The following CCDC192 variants were observed in gnomAD, a reference collection of about 807,000 sequenced individuals.
CCDC192 encodes the protein coiled-coil domain-containing protein 192.
intron 5 of CCDC192, among the ~76,000 whole-genome samples, chr5:127,838,260 G>GACATAACAA: frequency 6.6e-6 from 1 of 152,124 alleles, no homozygotes; most frequent in East Asian, 1.9e-4. Context: ...GTATTAATAA[G>GACATAACAA]GACATAACAA....
chr5:127,833,256 A>G (rs1334414269), intron 5 of CCDC192, among the ~76,000 whole-genome samples: 1 of 152,080 alleles, frequency 6.6e-6, no homozygotes, highest in Non-Finnish European at 1.5e-5. Context: ...TATCATTTTT[A>G]TTGTTTGAAT....
At chr5:127,933,505 C>T (rs1440365501) in intron 6 of CCDC192, among the ~76,000 whole-genome samples, 2 of 152,216 alleles carry the variant, frequency 1.3e-5, no homozygotes, top group Non-Finnish European at 2.9e-5. Context: ...AACTCCCACA[C>T]ACCTCTCACC....
chr5:127,737,456 C>A (rs1753088575), intron 2 of CCDC192, among the ~76,000 whole-genome samples: 1 of 151,700 alleles, frequency 6.6e-6, no homozygotes, highest in Non-Finnish European at 1.5e-5. Flanking sequence ...CCGCTTGGTG[C>A]AGAGCTGAGT....
chr5:127,715,604 T>C (rs58663781), intron 2 of CCDC192, among the ~76,000 whole-genome samples: 1,949 of 152,352 alleles, frequency 0.013, 30 homozygotes, highest in African/African-American at 0.045. Context: ...TATTGTTTTT[T>C]CTATTTCTGT....
chr5:127,914,891 T>C (rs1484398014), intron 6 of CCDC192, among the ~76,000 whole-genome samples: 1 of 152,194 alleles, frequency 6.6e-6, no homozygotes, highest in Non-Finnish European at 1.5e-5. Context: ...AACAATCAAT[T>C]GGAAGGGCCC....
At chr5:127,745,549 G>A (rs1753693190) in intron 2 of CCDC192, among the ~76,000 whole-genome samples, 1 of 151,978 alleles carries the variant, frequency 6.6e-6, no homozygotes. Context: ...TGATCATCTT[G>A]GCTACATTAG....
chr5:127,801,353 G>A (rs750863755), intron 5 of CCDC192, among the ~76,000 whole-genome samples: 1 of 152,096 alleles, frequency 6.6e-6, no homozygotes, highest in Non-Finnish European at 1.5e-5. Context: ...TCTGTTTGGA[G>A]TGTGCCTCCT....
intron 5 of CCDC192, among the ~76,000 whole-genome samples, chr5:127,831,515 T>TTG (rs202145979): frequency 6.6e-6 from 1 of 151,974 alleles, no homozygotes; most frequent in East Asian, 1.9e-4. Flanking sequence ...AATGCCTATA[T>TTG]TGTGTGTGTG....
intron 6 of CCDC192, among the ~76,000 whole-genome samples, chr5:127,916,331 T>A (rs1205960223): frequency 1.3e-5 from 2 of 152,210 alleles, no homozygotes; most frequent in East Asian, 1.9e-4. Flanking sequence ...TCAAAGACAT[T>A]CATGAGGGTT....
At chr5:127,919,168 G>A (rs1340232721) in intron 6 of CCDC192, among the ~76,000 whole-genome samples, 1 of 151,354 alleles carries the variant, frequency 6.6e-6, no homozygotes, top group Non-Finnish European at 1.5e-5. Context: ...GTAGCTCTCG[G>A]AAAATGATGC....
rs868051398 is a variant in CCDC192 at position 127,743,886 on chromosome 5, C to A, written c.115-10382C>A. Among the ~76,000 whole-genome samples the A allele has an allele frequency of 2.0e-5, 3 of 151,830 alleles. No homozygotes were observed. The East Asian group carries it at 5.8e-4, about 29-fold the overall frequency. Reference sequence around the variant, plus strand: ...CGGGTGGATCACGAGGTCGGGAGATCGAGACCATCCTGGCTTAACACGGTG... The same window carrying A: ...CGGGTGGATCACGAGGTCGGGAGATAGAGACCATCCTGGCTTAACACGGTG... On this transcript the variant is annotated intron_variant, in intron 2 of 6. Transcript: ENST00000514853.
intron 5 of CCDC192, among the ~76,000 whole-genome samples, chr5:127,866,825 T>TA (rs1275803255): frequency 1.3e-5 from 2 of 152,166 alleles, no homozygotes; most frequent in Non-Finnish European, 2.9e-5. Context: ...CTGCAGTTTT[T>TA]AAAAAAATAT....
chr5:127,937,003 C>T (rs1342211232), intron 6 of CCDC192, among the ~76,000 whole-genome samples: 2 of 152,196 alleles, frequency 1.3e-5, no homozygotes, highest in Non-Finnish European at 2.9e-5. Context: ...GCCTTGGGCA[C>T]TTTCCAATAC....
rs143804908 is a variant in CCDC192, at chr5:127,754,226, A to G, written c.115-42A>G. ...AGATTGTTTGAGATGCACTCAAACTATCCATGTCAAAAAGTAATACTTGAT... is the reference window on the plus strand; with the variant it reads ...AGATTGTTTGAGATGCACTCAAACTGTCCATGTCAAAAAGTAATACTTGAT... On this transcript the variant is annotated intron_variant, in intron 2 of 6. Transcript: ENST00000514853. The G allele has an allele frequency of 8.7e-4, 347 of 397,600 alleles. 1 individual carries two copies. The highest frequency in any genetic ancestry group is 6.0e-3 in the African/African-American group (292 of 48,590). The allele number at this position is 397,600 out of a possible 1,614,324, so 24.6% of individuals were successfully genotyped here.
intron 5 of CCDC192, among the ~76,000 whole-genome samples, chr5:127,820,848 A>C (rs748421861): frequency 6.6e-6 from 1 of 152,190 alleles, no homozygotes; most frequent in Non-Finnish European, 1.5e-5. Flanking sequence ...AAATGATATA[A>C]TCGTAAACTA....
chr5:127,916,850 T>C (rs1331019695), intron 6 of CCDC192, among the ~76,000 whole-genome samples: 1 of 152,224 alleles, frequency 6.6e-6, no homozygotes, highest in African/African-American at 2.4e-5. Context: ...GAATGGTAAA[T>C]GCACATTGTC....
chr5:127,851,096 G>C (rs1750776458), intron 5 of CCDC192, among the ~76,000 whole-genome samples: 1 of 152,174 alleles, frequency 6.6e-6, no homozygotes, highest in South Asian at 2.1e-4. Flanking sequence ...TTCTGCTGCA[G>C]GATTGGGTGC....
intron 3 of CCDC192, among the ~76,000 whole-genome samples, chr5:127,779,138 C>T (rs2126927802): frequency 6.6e-6 from 1 of 151,892 alleles, no homozygotes; most frequent in African/African-American, 2.4e-5. Context: ...TTTATTATAT[C>T]CTTCCTTTTG....
Position 127,849,889 on chromosome 5 carries a change from T to C in CCDC192, c.412-25649T>C, listed in dbSNP as rs574104737. 2.0e-5 allele frequency among the ~76,000 whole-genome samples: 3 copies of C among 152,324 alleles called. No individual in the cohort carries two copies. The East Asian group carries it at 5.8e-4, about 29-fold the overall frequency. On this transcript the variant is annotated intron_variant, in intron 5 of 6. Coordinates refer to ENST00000514853, the MANE Select transcript of CCDC192 (RefSeq NM_001317938.2). ...ATCCAAATAAGACCTTTCAAGTCTT[T>C]AGTGAAAACAAGATCAATTGCATTT...
Sources: allele counts gnomAD v4.1 joint callset (sites outside exome capture counted in the v4.1 genomes callset), GRCh38; gene constraint gnomAD v4.1.1; transcripts MANE v1.5; gene names NCBI Gene and HGNC (gene_info 2026-07-23, HGNC 2026-07-21).